Variants in TNRC6A observed in about 807,000 individuals in gnomAD.
The protein encoded by TNRC6A is trinucleotide repeat containing adaptor 6A, also known as trinucleotide repeat-containing gene 6A protein.
In TNRC6A, 44 loss-of-function variants were observed where a neutral mutation model predicts 221.2. The observed-to-expected ratio is 0.20, with a 90% CI of 0.16 to 0.26. The LOEUF is 0.26. Among genes scored for constraint, TNRC6A ranks in the 10% least tolerant of loss-of-function variants. The pLI is 1.00. For missense variants in TNRC6A, 2,199 were observed against 2,404.4 expected (o/e 0.91, Z 1.79); for synonymous variants, 847 against 838.5 (o/e 1.01, Z -0.18).
intron 1 of TNRC6A, 133 bp downstream of exon 1, chr16:24,729,979 GC>G: frequency 1.2e-6 from 1 of 853,630 alleles, no homozygotes; most frequent in Non-Finnish European, 1.5e-6. Flanking sequence ...GCGGGAGGGC[GC>G]AGGCTGCGTT....
At chr16:24,776,743 G>C in intron 4 of TNRC6A, 190 bp from the exon 5 acceptor site, 1 of 985,420 alleles carries the variant, frequency 1.0e-6, no homozygotes, top group Non-Finnish European at 1.2e-6. Context: ...GGTAGCAGAA[G>C]TGAAATATGA....
chr16:24,760,419 A>C (rs1367511881), intron 4 of TNRC6A, among the ~76,000 whole-genome samples: 1 of 152,218 alleles, frequency 6.6e-6, no homozygotes, highest in African/African-American at 2.4e-5. Context: ...TAAAATATGA[A>C]CATATTTAGT....
rs189322147 is a variant in TNRC6A, at chr16:24,670,011, G to A, written n.402+29002G>A. Among the ~76,000 whole-genome samples, 169 of 131,200 alleles carry A rather than the reference G, an allele frequency of 1.3e-3. 1 individual carries two copies. In the East Asian group the frequency reaches 0.013, roughly 10 times the overall value. The allele number at this position is 131,200 out of a possible 152,430, so 86.1% of individuals were successfully genotyped here. ...GTCACCCAGGCTGGAGTGCAATGGC[G>A]TGATCTTGGCTCACTGCAACCTCTA... On this transcript the variant is annotated intron_variant and non_coding_transcript_variant, in intron 2 of 2. Coordinates refer to the TNRC6A transcript ENST00000566108.
chr16:24,785,568 CTAT>C (rs1331803262), intron 5 of TNRC6A, among the ~76,000 whole-genome samples: 3 of 151,946 alleles, frequency 2.0e-5, no homozygotes, highest in Admixed American at 1.3e-4. Flanking sequence ...TGCCTCTATT[CTAT>C]TATTTTTACC....
chr16:24,747,380 C>G (rs1392361213), intron 2 of TNRC6A, among the ~76,000 whole-genome samples: 2 of 152,126 alleles, frequency 1.3e-5, no homozygotes, highest in Admixed American at 1.3e-4. Context: ...CTGGTTTTTA[C>G]AGACAACGAG....
At chr16:24,676,108 G>C (rs1238598681) in intron 2 of TNRC6A, among the ~76,000 whole-genome samples, 1 of 151,840 alleles carries the variant, frequency 6.6e-6, no homozygotes, top group Non-Finnish European at 1.5e-5. Flanking sequence ...TCATATATGT[G>C]CCAATAAGAT....
intron 2 of TNRC6A, among the ~76,000 whole-genome samples, chr16:24,748,542 A>G (rs2057064110): frequency 2.0e-5 from 3 of 152,170 alleles, no homozygotes; most frequent in Non-Finnish European, 2.9e-5. Flanking sequence ...AAGTATAGCA[A>G]CAGTTATCAT....
chr16:24,684,342 G>A (rs535682238), intron 2 of TNRC6A, among the ~76,000 whole-genome samples: 20 of 151,898 alleles, frequency 1.3e-4, no homozygotes, highest in Non-Finnish European at 2.1e-4. Context: ...GGAGGTAGAC[G>A]CTGCAGTGAG....
chr16:24,789,207 T>G (rs1328134917), intron 5 of TNRC6A, 25 bp from the exon 6 acceptor site: 1 of 1,538,126 alleles, frequency 6.5e-7, no homozygotes, highest in South Asian at 1.3e-5. Flanking sequence ...ACTTTATAAA[T>G]AGTTGTACTT....
At position 24,823,895 on chromosome 16, in the gene TNRC6A, C is replaced by T; in HGVS notation, c.*88C>T. ...GCTCGCCGCCTGCAGCCAGGGGCCG[C>T]CTGTGGGAACAGCTATTCTCTGCAC... On this transcript the variant is annotated 3_prime_UTR_variant, in exon 25 of 25. Transcript: ENST00000395799. The surrounding 1 kb of genome is among the most constrained non-coding windows in gnomAD (Gnocchi z 4.3). The T allele has an allele frequency of 1.5e-6, 2 of 1,307,630 alleles. No individual in the cohort carries two copies. Among genetic ancestry groups the T allele is most frequent in the Non-Finnish European group, 2.0e-6 (2 of 1,001,416 alleles). The allele number at this position is 1,307,630 out of a possible 1,614,324, so 81.0% of individuals were successfully genotyped here. A position where few individuals can be genotyped will look rare whatever the true frequency, so the allele number is the denominator to read the frequency against.
At chr16:24,613,457 T>A (rs980870525) in intron 1 of TNRC6A, among the ~76,000 whole-genome samples, 1 of 5,652 alleles carries the variant, frequency 1.8e-4, no homozygotes, top group Non-Finnish European at 4.4e-4. Flanking sequence ...TTATTTTATT[T>A]TATTTTATTT....
In TNRC6A at chr16:24,684,918, C is replaced by T. The variant is rs150685309; in HGVS notation, n.402+43909C>T. ...ACATGAAACTTCACTTTCTTCTAAA[C>T]TCACTCTGAGTCAGGCCTGGGAAGC... is the stretch of plus-strand genomic sequence containing the variant. On this transcript the variant is annotated intron_variant and non_coding_transcript_variant, in intron 2 of 2. Transcript: ENST00000566108. 9.2e-3 allele frequency among the ~76,000 whole-genome samples: 1,406 copies of T among 152,356 alleles called. 9 individuals carry two copies. Among genetic ancestry groups the T allele is most frequent in the Non-Finnish European group, 0.014 (964 of 68,030 alleles).
At chr16:24,724,869 C>T (rs913286117), upstream of TNRC6A, among the ~76,000 whole-genome samples, 4 of 151,990 alleles carry the variant, frequency 2.6e-5, no homozygotes, top group Middle Eastern at 6.8e-3. Flanking sequence ...AAAAAAAATA[C>T]CTATATATCT....
At chr16:24,788,381 G>A (rs1196336110) in intron 5 of TNRC6A, among the ~76,000 whole-genome samples, 3 of 152,038 alleles carry the variant, frequency 2.0e-5, no homozygotes, top group South Asian at 2.1e-4. Flanking sequence ...GGTTGAATAC[G>A]GACACTAATG....
rs888769170 is a variant in TNRC6A, at chr16:24,651,774, T to C, written n.402+10765T>C. Reference sequence around the variant, plus strand: ...AAAAATAGGCACATGGTTAGATTGCTAAGACATATTACTAGGTGGGGAGGA... The same window carrying C: ...AAAAATAGGCACATGGTTAGATTGCCAAGACATATTACTAGGTGGGGAGGA... On this transcript the variant is annotated intron_variant and non_coding_transcript_variant, in intron 2 of 2. Transcript: ENST00000566108. 3.3e-5 allele frequency among the ~76,000 whole-genome samples: 5 copies of C among 151,442 alleles called. 1 individual carries two copies. The highest frequency in any genetic ancestry group is 3.3e-4 in the Admixed American group (5 of 15,204).
At chr16:24,818,786 T>C (rs1054899380) in intron 21 of TNRC6A, 86 bp downstream of exon 21, 1 of 997,018 alleles carries the variant, frequency 1.0e-6, no homozygotes, top group Non-Finnish European at 1.6e-6. Flanking sequence ...TTTCGTCCAG[T>C]CTTCTCAGGG....
chr16:24,777,404 G>C, intron 5 of TNRC6A, 46 bp downstream of exon 5: 1 of 1,551,756 alleles, frequency 6.4e-7, no homozygotes, highest in South Asian at 1.2e-5. Flanking sequence ...ATCATCATTA[G>C]CTGTATAGCA....
Position 24,711,337 on chromosome 16 carries a change from T to C in TNRC6A, n.403-39389T>C, listed in dbSNP as rs532139652. On this transcript the variant is annotated intron_variant and non_coding_transcript_variant, in intron 2 of 2. Coordinates refer to the TNRC6A transcript ENST00000566108. ...TCAGACTTTTTTTGAGGCAGCTTTA[T>C]TGAGTCACATATTTAAAGTGTGTAA... 6.6e-5 allele frequency among the ~76,000 whole-genome samples: 10 copies of C among 152,258 alleles called. No homozygotes were observed. In the East Asian group the frequency reaches 1.4e-3, roughly 21 times the overall value.
At chr16:24,707,606 G>A (rs1325759556) in intron 2 of TNRC6A, among the ~76,000 whole-genome samples, 1 of 152,020 alleles carries the variant, frequency 6.6e-6, no homozygotes, top group Non-Finnish European at 1.5e-5. Context: ...GAAAAAATAT[G>A]AATAGTTTTT....
Sources: gnomAD v4.1 joint callset for allele counts (sites outside exome capture counted in the v4.1 genomes callset) on GRCh38, gnomAD v4.1.1 for gene constraint, Gnocchi (gnomAD v3.1) non-coding constraint, MANE v1.5 for transcripts, NCBI Gene and HGNC (gene_info 2026-07-23, HGNC 2026-07-21) for gene names.